The following RPIA variants were observed in gnomAD, a reference collection of about 807,000 sequenced individuals.
RPIA encodes the protein ribose-5-phosphate isomerase.
RPIA carries 29 observed loss-of-function variants against 37.8 expected under a neutral mutation model. That is an observed-to-expected ratio of 0.77 (90% CI 0.57 to 1.05). RPIA has a LOEUF of 1.05. Ranked by LOEUF, RPIA falls within the 50% of genes least tolerant of loss-of-function variation. The pLI is 0.00. For synonymous variants in RPIA, 167 were observed against 157.0 expected, an observed-to-expected ratio of 1.06 and a Z score of -0.48; for missense variants, 385 against 413.6, an observed-to-expected ratio of 0.93 and a Z score of 0.60.
In RPIA at chr2:88,750,707, T is replaced by G; in HGVS notation, c.*629T>G. On this transcript the variant is annotated 3_prime_UTR_variant, in exon 9 of 9. Coordinates refer to ENST00000283646, the MANE Select transcript of RPIA (RefSeq NM_144563.3). ...TACACTTTTGCTAAGATCTGGGGGT[T>G]TCTTCATATTCCTGCTGTTGGAAGC... is the stretch of plus-strand genomic sequence containing the variant. 1 of 399,250 alleles carries G rather than the reference T, an allele frequency of 2.5e-6. No homozygotes were observed. The highest frequency in any genetic ancestry group is 3.6e-5 in the East Asian group (1 of 28,084). 24.7% of individuals were successfully genotyped at this position (399,250 alleles called of 1,614,324 possible). A position where few individuals can be genotyped will look rare whatever the true frequency, so the allele number is the denominator to read the frequency against.
In RPIA at chr2:88,721,569, ACAC is replaced by A. The variant is rs562646458; in HGVS notation, c.403-7707_403-7705del. Reference sequence around the variant, plus strand: ...TACACACACACACACACACACACACACACCCCCCCCCCCACATGCACACATGTT... The same window carrying A: ...TACACACACACACACACACACACACACCCCCCCCCCACATGCACACATGTT... On this transcript the variant is annotated intron_variant, in intron 3 of 8. Transcript: ENST00000283646. 8.3e-3 allele frequency among the ~76,000 whole-genome samples: 754 copies of A among 91,038 alleles called. 4 individuals are homozygous for A. The highest frequency in any genetic ancestry group is 0.028 in the South Asian group (63 of 2,214). The allele number at this position is 91,038 out of a possible 152,430, so 59.7% of individuals were successfully genotyped here.
chr2:88,748,283 G>T (rs1673462031), intron 8 of RPIA, among the ~76,000 whole-genome samples: 1 of 152,158 alleles, frequency 6.6e-6, no homozygotes, highest in Non-Finnish European at 1.5e-5. Context: ...GCTTATAAAA[G>T]AGCTTCCTTG....
At chr2:88,727,094 T>TGCGCGCGCATGTGTGCGC (rs1186424523) in intron 3 of RPIA, among the ~76,000 whole-genome samples, 13 of 151,926 alleles carry the variant, frequency 8.6e-5, no homozygotes, top group African/African-American at 3.1e-4. Context: ...CGTGTGTGTG[T>TGCGCGCGCATGTGTGCGC]GTGCGCGCGC....
chr2:88,745,860 T>C (rs1673432374), intron 8 of RPIA, among the ~76,000 whole-genome samples: 1 of 152,210 alleles, frequency 6.6e-6, no homozygotes. Context: ...AATTATTCCC[T>C]CAAGTAAGCT....
chr2:88,727,654 G>A (rs368408464), intron 3 of RPIA, among the ~76,000 whole-genome samples: 4 of 152,086 alleles, frequency 2.6e-5, no homozygotes, highest in Admixed American at 6.5e-5. Flanking sequence ...CTGTTCCTGC[G>A]CTAGTTTGCT....
chr2:88,749,706 A>G (rs1387379865), intron 8 of RPIA, among the ~76,000 whole-genome samples: 2 of 152,220 alleles, frequency 1.3e-5, no homozygotes, highest in Non-Finnish European at 2.9e-5. Context: ...TGGCTCAGGC[A>G]GAGGGAACAG....
chr2:88,713,153 C>CTTTTTTTTTTTTTTTT (rs1175205465), intron 3 of RPIA, among the ~76,000 whole-genome samples: 2 of 24,296 alleles, frequency 8.2e-5, no homozygotes, highest in African/African-American at 2.2e-4. Flanking sequence ...ACGAGTAGGC[C>CTTTTTTTTTTTTTTTT]TTTTTTTTTT....
chr2:88,726,892 T>C (rs1166700598), intron 3 of RPIA, among the ~76,000 whole-genome samples: 3 of 152,066 alleles, frequency 2.0e-5, no homozygotes, highest in Non-Finnish European at 4.4e-5. Context: ...ACAGGTACCA[T>C]GATGCCTAGC....
chr2:88,721,111 A>C (rs560689390), intron 3 of RPIA, among the ~76,000 whole-genome samples: 32 of 152,136 alleles, frequency 2.1e-4, no homozygotes, highest in African/African-American at 7.2e-4. Context: ...AAACTAACAC[A>C]AGAACAGAAA....
At chr2:88,693,457 C>T (rs1329512354) in intron 1 of RPIA, among the ~76,000 whole-genome samples, 1 of 152,214 alleles carries the variant, frequency 6.6e-6, no homozygotes, top group Non-Finnish European at 1.5e-5. Flanking sequence ...AAGGCCATTT[C>T]CTCCTTTCAG....
chr2:88,734,615 G>C lies in RPIA; in HGVS notation c.526G>C (p.Gly176Arg), dbSNP rs757879894. ...TGATCTCAATCTCATCAAGGGTGGCGGGTGAGTGTTGTGGGGGCTTCTGTG... is the reference window on the plus strand; with the variant it reads ...TGATCTCAATCTCATCAAGGGTGGCCGGTGAGTGTTGTGGGGGCTTCTGTG... ...DADLNLIKGG[G>R]GCLTQEKIVA... The change falls in exon 5 of 9, where the codon GGA (glycine) becomes CGA (arginine). Residue 176 changes from glycine to arginine, a missense_variant and splice_region_variant. Gly to Arg is a moderately radical substitution (Grantham distance 125, BLOSUM62 -2). Transcript: ENST00000283646. 1.2e-6 allele frequency: 2 copies of C among 1,614,160 alleles called. No homozygotes were observed. Among genetic ancestry groups the C allele is most frequent in the Non-Finnish European group, 8.5e-7 (1 of 1,179,982 alleles).
At chr2:88,711,123 G>A (rs1672955979) in intron 3 of RPIA, among the ~76,000 whole-genome samples, 1 of 152,184 alleles carries the variant, frequency 6.6e-6, no homozygotes, top group Admixed American at 6.5e-5. Context: ...AAATACCTGA[G>A]GTCCGGGCTG....
At chr2:88,714,777 C>T (rs947208899) in intron 3 of RPIA, among the ~76,000 whole-genome samples, 7 of 152,186 alleles carry the variant, frequency 4.6e-5, no homozygotes, top group African/African-American at 1.7e-4. Flanking sequence ...AGAGAAAGTG[C>T]AGCATCTCCT....
intron 3 of RPIA, among the ~76,000 whole-genome samples, chr2:88,722,348 T>G (rs1673144150): frequency 1.3e-5 from 2 of 152,238 alleles, no homozygotes; most frequent in South Asian, 4.1e-4. Flanking sequence ...AATAATAAAA[T>G]ATCTATAATT....
At position 88,691,780 on chromosome 2, in the gene RPIA, G is replaced by A. The variant is rs1676936476; in HGVS notation, c.82G>A (p.Gly28Ser). 5.0e-6 allele frequency: 8 copies of A among 1,591,764 alleles called. No individual in the cohort carries two copies. The highest frequency in any genetic ancestry group is 1.1e-5 in the South Asian group (1 of 89,616). Reference protein sequence around the residue: ...LPGRAGGAASGGGGNSWDLPG... With the variant: ...LPGRAGGAASSGGGNSWDLPG... ...CGGGAGGGCCGGGGGCGCGGCCTCC[G>A]GCGGAGGAGGGAACAGCTGGGACCT... The change falls in exon 1 of 9, where the codon GGC becomes AGC. Residue 28 changes from glycine (G) to serine (S), a missense_variant. Gly to Ser is a moderately conservative substitution (Grantham distance 56, BLOSUM62 0). This residue lies in a region of RPIA where 232 missense variants were observed against 203.0 expected (regional missense o/e 1.14). Transcript: ENST00000283646.
chr2:88,738,111 C>A (rs1673337748), intron 8 of RPIA, 35 bp downstream of exon 8: 3 of 1,472,526 alleles, frequency 2.0e-6, no homozygotes, highest in Non-Finnish European at 1.9e-6. Flanking sequence ...CATATACACA[C>A]CCATGGCCTT....
intron 1 of RPIA, among the ~76,000 whole-genome samples, chr2:88,694,688 G>T (rs1210869755): frequency 6.6e-6 from 1 of 151,970 alleles, no homozygotes; most frequent in African/African-American, 2.4e-5. Context: ...CCTTCCACTT[G>T]CTCCTTTCTC....
chr2:88,710,969 G>A (rs528460588), intron 3 of RPIA, among the ~76,000 whole-genome samples: 69 of 152,326 alleles, frequency 4.5e-4, no homozygotes, highest in Non-Finnish European at 7.1e-4. Flanking sequence ...TGCCCTGAAC[G>A]CTAGGCGACC....
chr2:88,695,446 G>C (rs1672720633), intron 1 of RPIA, among the ~76,000 whole-genome samples: 1 of 152,236 alleles, frequency 6.6e-6, no homozygotes, highest in East Asian at 1.9e-4. Flanking sequence ...GATACGGGGA[G>C]AAATCCCCAT....
Sources: gnomAD v4.1 joint callset for allele counts (sites outside exome capture counted in the v4.1 genomes callset) on GRCh38, gnomAD v4.1.1 for gene constraint, gnomAD v4.1.1 regional missense constraint, MANE v1.5 for transcripts, NCBI Gene and HGNC (gene_info 2026-07-23, HGNC 2026-07-21) for gene names.